The following ADAMTS15 variants were observed in gnomAD, a reference collection of about 807,000 sequenced individuals.
ADAMTS15 encodes ADAM metallopeptidase with thrombospondin type 1 motif 15, also known as A disintegrin and metalloproteinase with thrombospondin motifs 15.
In ADAMTS15, 35 loss-of-function variants were observed where a neutral mutation model predicts 79.1. The observed-to-expected ratio is 0.44, with a 90% CI of 0.34 to 0.59. ADAMTS15 has a LOEUF of 0.59. Among genes scored for constraint, ADAMTS15 ranks in the 20% least tolerant of loss-of-function variants. The probability of loss-of-function intolerance (pLI) is 0.02; values close to 1 mark genes in which losing one functional copy is unlikely to be tolerated. For missense variants in ADAMTS15, 1,324 were observed against 1,318.7 expected (o/e 1.00, Z -0.06); for synonymous variants, 616 against 567.3 (o/e 1.09, Z -1.22).
Position 130,473,110 on chromosome 11 carries a change from C to G in ADAMTS15, c.2142C>G (p.Arg714=), listed in dbSNP as rs375820237. The part of the protein sequence containing the change: ...AGASSIDIRQ[R]GYKGLIGDDN... ...CCTCAAGCATCGACATCCGCCAGCG[C>G]GGTTACAAAGGGCTGATCGGGGATG... Residue 714 remains arginine (R), a synonymous_variant, in exon 8 of 8, where the codon CGC becomes CGG. Transcript: ENST00000299164. 1.2e-6 allele frequency: 2 copies of G among 1,614,044 alleles called. No individual in the cohort carries two copies.
intron 1 of ADAMTS15, among the ~76,000 whole-genome samples, chr11:130,453,188 G>A (rs1160666017): frequency 6.6e-6 from 1 of 151,998 alleles, no homozygotes; most frequent in Non-Finnish European, 1.5e-5. Context: ...AGTCGGGGCT[G>A]GGGAGGGGAG....
At chr11:130,458,896 T>TA (rs2134723553) in intron 1 of ADAMTS15, among the ~76,000 whole-genome samples, 1 of 151,590 alleles carries the variant, frequency 6.6e-6, no homozygotes, top group South Asian at 2.1e-4. Flanking sequence ...CATCCTTCAC[T>TA]ATGCCCTTGC....
chr11:130,470,166 A>ACG lies in ADAMTS15; in HGVS notation c.1720+727_1720+728insCG, dbSNP rs1435065525. On this transcript the variant is annotated intron_variant, in intron 5 of 7. Coordinates refer to ENST00000299164, the MANE Select transcript of ADAMTS15 (RefSeq NM_139055.4). The stretch of plus-strand genomic sequence containing the variant: ...TATATATATATGTGTATATATATAT[A>ACG]TATATATATATATATGTGTGTATAT... 1.3e-3 allele frequency among the ~76,000 whole-genome samples: 73 copies of ACG among 57,572 alleles called. 1 individual carries two copies. Among genetic ancestry groups the ACG allele is most frequent in the African/African-American group, 7.2e-3 (69 of 9,628 alleles). The allele number at this position is 57,572 out of a possible 152,430, so 37.8% of individuals were successfully genotyped here. A position where few individuals can be genotyped will look rare whatever the true frequency, so the allele number is the denominator to read the frequency against.
intron 4 of ADAMTS15, among the ~76,000 whole-genome samples, chr11:130,463,380 A>C (rs778347887): frequency 2.6e-5 from 4 of 152,264 alleles, no homozygotes; most frequent in Non-Finnish European, 5.9e-5. Context: ...TAGCAACCAA[A>C]CAAGAACACA....
chr11:130,453,111 G>A (rs568291039), intron 1 of ADAMTS15, among the ~76,000 whole-genome samples: 4 of 152,258 alleles, frequency 2.6e-5, no homozygotes, highest in South Asian at 2.1e-4. Flanking sequence ...GAGGAGGGGC[G>A]TTCTCCTGAA....
intron 4 of ADAMTS15, among the ~76,000 whole-genome samples, chr11:130,463,538 C>G (rs569021406): frequency 6.6e-6 from 1 of 152,264 alleles, no homozygotes; most frequent in Admixed American, 6.5e-5. Flanking sequence ...CTGACTGTCC[C>G]TTCCCATCCC....
chr11:130,469,271 T>G lies in ADAMTS15; in HGVS notation c.1552T>G (p.Ser518Ala). The change falls in exon 5 of 8, where the codon TCC becomes GCC. Residue 518 changes from serine to alanine, a missense_variant. Transcript: ENST00000299164. ...AGGCTCTTCCTCACAGGTGGATGGT[T>G]CCTGGGCCAAATGGGATCCCTATGG... Reference protein sequence around the residue: ...HNLNKHRVDGSWAKWDPYGPC... With the variant: ...HNLNKHRVDGAWAKWDPYGPC... 1 of 1,401,188 alleles carries G rather than the reference T, an allele frequency of 7.1e-7. No individual in the cohort carries two copies. The highest frequency in any genetic ancestry group is 9.3e-7 in the Non-Finnish European group (1 of 1,073,348). The allele number at this position is 1,401,188 out of a possible 1,614,324, so 86.8% of individuals were successfully genotyped here.
Position 130,462,040 on chromosome 11 carries a change from C to T in ADAMTS15, c.1091-47C>T, listed in dbSNP as rs372133581. On this transcript the variant is annotated intron_variant, in intron 2 of 7. Coordinates refer to ENST00000299164, the MANE Select transcript of ADAMTS15 (RefSeq NM_139055.4). The surrounding 1 kb of genome is among the most constrained non-coding windows in gnomAD (Gnocchi z 4.3). ...CCTGCCCCATTCCTCCCTCCAACCC[C>T]CATGTCCTTCCTCCTGCCCTCTCAG... is the stretch of plus-strand genomic sequence containing the variant. 6.4e-7 allele frequency: 1 copy of T among 1,571,948 alleles called. No individual in the cohort carries two copies. The highest frequency in any genetic ancestry group is 1.7e-5 in the Admixed American group (1 of 58,608).
chr11:130,471,164 G>C, intron 6 of ADAMTS15, 44 bp from the exon 7 acceptor site: 2 of 1,589,554 alleles, frequency 1.3e-6, no homozygotes, highest in Non-Finnish European at 1.7e-6. Flanking sequence ...CATCAGCTGA[G>C]CTGCCCTGCT....
intron 1 of ADAMTS15, among the ~76,000 whole-genome samples, chr11:130,460,156 A>G (rs7112698): frequency 0.37 from 56,737 of 152,056 alleles, 10,757 homozygotes; most frequent in African/African-American, 0.39. Flanking sequence ...TCATAAGCCT[A>G]TTGTGAGGAT....
Position 130,448,887 on chromosome 11 carries a change from G to C in ADAMTS15, c.-87G>C. The C allele has an allele frequency of 2.8e-6, 3 of 1,060,646 alleles. No homozygotes were observed. The highest frequency in any genetic ancestry group is 3.8e-6 in the Non-Finnish European group (3 of 791,014). 65.7% of individuals were successfully genotyped at this position (1,060,646 alleles called of 1,614,324 possible). A position where few individuals can be genotyped will look rare whatever the true frequency, so the allele number is the denominator to read the frequency against. Reference sequence around the variant, plus strand: ...CTGTCCCGTAGCGTTGGCGGTTCCAGAGTGCGGGCTGCACGGAGACCGCGG... The same window carrying C: ...CTGTCCCGTAGCGTTGGCGGTTCCACAGTGCGGGCTGCACGGAGACCGCGG... On this transcript the variant is annotated 5_prime_UTR_variant, in exon 1 of 8. Transcript: ENST00000299164.
intron 4 of ADAMTS15, among the ~76,000 whole-genome samples, chr11:130,466,318 A>G (rs1322946890): frequency 6.6e-6 from 1 of 152,214 alleles, no homozygotes; most frequent in African/African-American, 2.4e-5. Context: ...TTGCATCTTC[A>G]GTCCAGGCCT....
At chr11:130,468,579 C>T (rs1444888956) in intron 4 of ADAMTS15, among the ~76,000 whole-genome samples, 1 of 151,922 alleles carries the variant, frequency 6.6e-6, no homozygotes, top group African/African-American at 2.4e-5. Context: ...TCCTGGCTAA[C>T]ACGGTGAAAC....
chr11:130,452,377 G>A (rs1937982650), intron 1 of ADAMTS15, among the ~76,000 whole-genome samples: 1 of 152,222 alleles, frequency 6.6e-6, no homozygotes, highest in Non-Finnish European at 1.5e-5. Context: ...GGTCAGCACA[G>A]GACTGGAACC....
chr11:130,458,150 G>A (rs1254484628), intron 1 of ADAMTS15, among the ~76,000 whole-genome samples: 1 of 152,184 alleles, frequency 6.6e-6, no homozygotes, highest in Non-Finnish European at 1.5e-5. Flanking sequence ...CGGCTGCGGG[G>A]TGGCTGAGTT....
Position 130,469,526 on chromosome 11 carries a change from T to C in ADAMTS15, c.1720+87T>C, listed in dbSNP as rs192643787. 2.6e-4 allele frequency: 277 copies of C among 1,073,568 alleles called. 1 individual carries two copies. In the African/African-American group the frequency reaches 4.2e-3, roughly 16 times the overall value. The allele number at this position is 1,073,568 out of a possible 1,614,324, so 66.5% of individuals were successfully genotyped here. On this transcript the variant is annotated intron_variant, in intron 5 of 7. Transcript: ENST00000299164. ...CCCCACCCCTACTCCATGTAATGCA[T>C]GGCCTCCAGGTAATTGGGTACACAG...
At chr11:130,470,170 A>ACATG (rs1555081047) in intron 5 of ADAMTS15, among the ~76,000 whole-genome samples, 3 of 58,166 alleles carry the variant, frequency 5.2e-5, no homozygotes, top group African/African-American at 9.7e-5. Context: ...ATATATATAT[A>ACATG]TATATATATA....
chr11:130,470,651 T>G (rs563784678), intron 5 of ADAMTS15, among the ~76,000 whole-genome samples: 3 of 152,314 alleles, frequency 2.0e-5, no homozygotes, highest in Admixed American at 1.3e-4. Context: ...CTGAGTTACA[T>G]TATTCTGAAA....
At position 130,468,532 on chromosome 11, in the gene ADAMTS15, G is replaced by A. The variant is rs537847138; in HGVS notation, c.1543-730G>A. 3.9e-5 allele frequency among the ~76,000 whole-genome samples: 6 copies of A among 152,176 alleles called. No individual in the cohort carries two copies. In the South Asian group the frequency reaches 8.3e-4, roughly 21 times the overall value. ...TGTAATCCCAGCACTTTGGGAGGCC[G>A]AGGCGGGCGGATCACGAGGTCAGGA... is the stretch of plus-strand genomic sequence containing the variant. On this transcript the variant is annotated intron_variant, in intron 4 of 7. Coordinates refer to ENST00000299164, the MANE Select transcript of ADAMTS15 (RefSeq NM_139055.4).
Sources: allele counts gnomAD v4.1 joint callset (sites outside exome capture counted in the v4.1 genomes callset), GRCh38; gene constraint gnomAD v4.1.1; non-coding constraint Gnocchi (gnomAD v3.1); transcripts MANE v1.5; gene names NCBI Gene and HGNC (gene_info 2026-07-23, HGNC 2026-07-21).